Variants in UNC5D observed in about 807,000 individuals in gnomAD.
UNC5D encodes netrin receptor UNC5D.
Under a neutral mutation model 105.4 loss-of-function variants are expected in UNC5D, and 39 were observed. The ratio of observed to expected loss-of-function variants is 0.37; its 90% CI spans 0.29 to 0.48. UNC5D has a LOEUF of 0.48. Among genes scored for constraint, UNC5D ranks in the 20% least tolerant of loss-of-function variants. The pLI is 0.98. For missense variants in UNC5D, 991 were observed against 1,202.4 expected, an observed-to-expected ratio of 0.82 and a Z score of 2.60; for synonymous variants, 452 against 450.4, an observed-to-expected ratio of 1.00 and a Z score of -0.04.
At chr8:35,771,547 G>C (rs1802013376) in intron 15 of UNC5D, among the ~76,000 whole-genome samples, 1 of 152,168 alleles carries the variant, frequency 6.6e-6, no homozygotes, top group Non-Finnish European at 1.5e-5. Flanking sequence ...TAAAAATGAT[G>C]TATCTTGTAA....
chr8:35,759,369 C>A lies in UNC5D; in HGVS notation c.2213C>A (p.Pro738Gln). 2 of 1,614,052 alleles carry A rather than the reference C, an allele frequency of 1.2e-6. No individual in the cohort carries two copies. The highest frequency in any genetic ancestry group is 1.7e-6 in the Non-Finnish European group (2 of 1,179,964). ...RHQGGQLLEE[P>Q]KLLHFKGNTF... Reference sequence around the variant, plus strand: ...CAAGGTGGACAGCTCCTGGAAGAACCAAAATTGCTGCATTTCAAAGGGAAT... The same window carrying A: ...CAAGGTGGACAGCTCCTGGAAGAACAAAAATTGCTGCATTTCAAAGGGAAT... Residue 738 changes from proline (P) to glutamine (Q), a missense_variant, in exon 14 of 17, where the codon CCA becomes CAA. This residue lies in a region of UNC5D where 944 missense variants were observed against 1,131.6 expected (regional missense o/e 0.83). Coordinates refer to ENST00000404895, the MANE Select transcript of UNC5D (RefSeq NM_080872.4).
chr8:35,538,198 G>C (rs866769883), intron 1 of UNC5D, among the ~76,000 whole-genome samples: 4 of 151,532 alleles, frequency 2.6e-5, no homozygotes, highest in Non-Finnish European at 4.4e-5. Context: ...AAGCAAAAGA[G>C]GGGGGACATT....
intron 1 of UNC5D, among the ~76,000 whole-genome samples, chr8:35,369,435 C>T (rs923783853): frequency 3.3e-5 from 5 of 152,066 alleles, no homozygotes; most frequent in Non-Finnish European, 7.4e-5. Flanking sequence ...AAGTGGAAAA[C>T]ACTAATAGGG....
At chr8:35,297,329 C>A (rs1344149969) in intron 1 of UNC5D, among the ~76,000 whole-genome samples, 4 of 152,146 alleles carry the variant, frequency 2.6e-5, no homozygotes, top group Admixed American at 6.5e-5. Context: ...AAAAGCCTTT[C>A]CTATTTTTTC....
chr8:35,625,079 C>T (rs1233994788), intron 4 of UNC5D, among the ~76,000 whole-genome samples: 1 of 152,138 alleles, frequency 6.6e-6, no homozygotes, highest in Non-Finnish European at 1.5e-5. Context: ...TATCTGTTTT[C>T]TAATATCACC....
chr8:35,442,849 C>G (rs142172999), intron 1 of UNC5D, among the ~76,000 whole-genome samples: 1 of 151,100 alleles, frequency 6.6e-6, no homozygotes, highest in Non-Finnish European at 1.5e-5. Flanking sequence ...AACTCTATTT[C>G]TTACACCATC....
intron 1 of UNC5D, among the ~76,000 whole-genome samples, chr8:35,374,374 G>A: frequency 6.6e-6 from 1 of 152,192 alleles, no homozygotes; most frequent in South Asian, 2.1e-4. Context: ...TCAAAGGGTA[G>A]TGAGCCATTT....
intron 1 of UNC5D, among the ~76,000 whole-genome samples, chr8:35,493,338 G>A (rs1811340056): frequency 7.4e-6 from 1 of 135,874 alleles, no homozygotes; most frequent in African/African-American, 2.8e-5. Flanking sequence ...AAATTCAACA[G>A]TTTGCCTTCT....
At chr8:35,623,867 G>T (rs2918967) in intron 4 of UNC5D, among the ~76,000 whole-genome samples, 46,681 of 151,794 alleles carry the variant, frequency 0.31, 12,116 homozygotes, top group African/African-American at 0.72. Context: ...GATCACAAGG[G>T]TAGGAGATCG....
rs373524497 is a variant in UNC5D, at chr8:35,239,177, C to CT, written c.103+3297dup. ...GATAGCACTTGTCACCCTTTGCATA[C>CT]TTTTTTTGCTCTCCAGATGACCTAT... On this transcript the variant is annotated intron_variant, in intron 1 of 16. Transcript: ENST00000404895. Among the ~76,000 whole-genome samples, 1,059 of 152,160 alleles carry CT rather than the reference C, an allele frequency of 7.0e-3. 17 individuals carry two copies. The highest frequency in any genetic ancestry group is 0.024 in the African/African-American group (1,009 of 41,506).
At chr8:35,777,667 C>A (rs1476008110) in intron 16 of UNC5D, among the ~76,000 whole-genome samples, 1 of 151,942 alleles carries the variant, frequency 6.6e-6, no homozygotes, top group South Asian at 2.1e-4. Context: ...AGGAAAGCAG[C>A]CAGAGAGAGT....
chr8:35,691,558 G>A (rs1450768068), intron 7 of UNC5D, among the ~76,000 whole-genome samples: 1 of 152,190 alleles, frequency 6.6e-6, no homozygotes, highest in Admixed American at 6.5e-5. Context: ...GGCAATAACA[G>A]TGAATCCACG....
intron 1 of UNC5D, among the ~76,000 whole-genome samples, chr8:35,286,492 G>T (rs889053012): frequency 6.6e-6 from 1 of 152,144 alleles, no homozygotes; most frequent in Admixed American, 6.5e-5. Context: ...CCCTAGCAGT[G>T]GAGAGGTAAT....
At chr8:35,560,970 A>C (rs1293672113) in intron 2 of UNC5D, among the ~76,000 whole-genome samples, 2 of 152,190 alleles carry the variant, frequency 1.3e-5, no homozygotes, top group African/African-American at 4.8e-5. Flanking sequence ...TATAATCTTC[A>C]TAGTAGGGTG....
chr8:35,718,636 T>C (rs1394703425), intron 8 of UNC5D, among the ~76,000 whole-genome samples: 6 of 152,046 alleles, frequency 3.9e-5, no homozygotes, highest in South Asian at 4.1e-4. Flanking sequence ...AAATTAACAA[T>C]AAAAAACACA....
chr8:35,691,239 G>T (rs74949958), intron 7 of UNC5D, among the ~76,000 whole-genome samples: 4,129 of 152,236 alleles, frequency 0.027, 177 homozygotes, highest in African/African-American at 0.092. Context: ...ATGCTAGCAG[G>T]TGGGGGACCC....
intron 3 of UNC5D, among the ~76,000 whole-genome samples, chr8:35,587,363 A>G (rs772664279): frequency 6.6e-6 from 1 of 152,194 alleles, no homozygotes. Context: ...TGCAGAGTCT[A>G]TTGCACATAT....
chr8:35,767,876 T>C (rs1000818939), intron 15 of UNC5D, among the ~76,000 whole-genome samples: 2 of 152,112 alleles, frequency 1.3e-5, no homozygotes, highest in Non-Finnish European at 1.5e-5. Context: ...ACAATAGCCA[T>C]CCTTCCTGAA....
At position 35,737,295 on chromosome 8, in the gene UNC5D, TGTGTG is replaced by T. The variant is rs1563720974; in HGVS notation, c.1766+6200_1766+6204del. Among the ~76,000 whole-genome samples, 131 of 148,552 alleles carry T rather than the reference TGTGTG, an allele frequency of 8.8e-4. 2 individuals are homozygous for T. Among genetic ancestry groups the T allele is most frequent in the Middle Eastern group, 3.5e-3 (1 of 288 alleles). On this transcript the variant is annotated intron_variant, in intron 11 of 16. Coordinates refer to ENST00000404895, the MANE Select transcript of UNC5D (RefSeq NM_080872.4). ...GTGTGTGTGTGTGTGTGTGTGTGTG[TGTGTG>T]TTAATGTGTGATGAAGGAATTGAAG... is the stretch of plus-strand genomic sequence containing the variant.
Sources: allele counts gnomAD v4.1 joint callset (sites outside exome capture counted in the v4.1 genomes callset), GRCh38; gene constraint gnomAD v4.1.1; regional missense constraint gnomAD v4.1.1; transcripts MANE v1.5; gene names NCBI Gene and HGNC (gene_info 2026-07-23, HGNC 2026-07-21).